SMYD3: variants seen among roughly 807,000 people sequenced by gnomAD.
The protein encoded by SMYD3 is SET and MYND domain containing 3.
SMYD3 carries 36 observed loss-of-function variants against 57.7 expected under a neutral mutation model. The observed-to-expected ratio is 0.62, with a 90% CI of 0.48 to 0.82. SMYD3 has a LOEUF of 0.82. SMYD3 is among the 40% of genes least tolerant of loss of function. The pLI is 0.00. For missense variants in SMYD3, 515 were observed against 538.8 expected, an observed-to-expected ratio of 0.96 and a Z score of 0.44; for synonymous variants, 211 against 195.0, an observed-to-expected ratio of 1.08 and a Z score of -0.68.
At chr1:246,193,139 T>G (rs1572189762) in intron 5 of SMYD3, among the ~76,000 whole-genome samples, 1 of 152,324 alleles carries the variant, frequency 6.6e-6, no homozygotes, top group East Asian at 1.9e-4. Context: ...TTAGGTCCCA[T>G]TTATCGTCAT....
intron 5 of SMYD3, among the ~76,000 whole-genome samples, chr1:246,220,741 G>A (rs978175715): frequency 3.3e-5 from 5 of 152,180 alleles, no homozygotes; most frequent in Non-Finnish European, 7.3e-5. Flanking sequence ...GGGGCATGGA[G>A]TGGAAACTTG....
intron 5 of SMYD3, among the ~76,000 whole-genome samples, chr1:246,278,002 A>T (rs1205289857): frequency 6.6e-6 from 1 of 152,204 alleles, no homozygotes; most frequent in Non-Finnish European, 1.5e-5. Context: ...GTATATACTT[A>T]AAGTTTATTT....
chr1:246,072,615 A>G (rs924925165), intron 5 of SMYD3, among the ~76,000 whole-genome samples: 2 of 152,190 alleles, frequency 1.3e-5, no homozygotes, highest in African/African-American at 4.8e-5. Flanking sequence ...TTAAAGAGTT[A>G]TCTAGTAACT....
intron 5 of SMYD3, among the ~76,000 whole-genome samples, chr1:246,117,809 C>T (rs183499096): frequency 6.6e-6 from 1 of 152,154 alleles, no homozygotes; most frequent in East Asian, 1.9e-4. Context: ...AAAAACATAA[C>T]TACTTTAAAA....
At chr1:246,327,156 A>C in intron 5 of SMYD3, 45 bp downstream of exon 5, 1 of 1,609,488 alleles carries the variant, frequency 6.2e-7, no homozygotes, top group African/African-American at 1.3e-5. Flanking sequence ...ATAAGGAGCA[A>C]ATGGTTGATG....
At chr1:246,405,651 G>A (rs1391254990) in intron 1 of SMYD3, among the ~76,000 whole-genome samples, 2 of 152,142 alleles carry the variant, frequency 1.3e-5, no homozygotes, top group East Asian at 1.9e-4. Context: ...GTTCACGTCT[G>A]TAATCCCAGC....
chr1:246,119,711 C>T (rs2148019402), intron 5 of SMYD3, among the ~76,000 whole-genome samples: 1 of 152,250 alleles, frequency 6.6e-6, no homozygotes, highest in South Asian at 2.1e-4. Flanking sequence ...CCACACCTGG[C>T]CTAAAACACT....
rs75521037 is a variant in SMYD3 at position 246,278,216 on chromosome 1, T to A, written c.531+48985A>T. 8.6e-3 allele frequency among the ~76,000 whole-genome samples: 1,295 copies of A among 149,802 alleles called. 17 individuals carry two copies. The highest frequency in any genetic ancestry group is 0.03 in the African/African-American group (1,234 of 40,886). ...TGGGTTACTCTCATGTATGTCGATG[T>A]CCCTTTCCGTCTCCCCTCTGTTTAA... On this transcript the variant is annotated intron_variant, in intron 5 of 11. Coordinates refer to ENST00000490107, the MANE Select transcript of SMYD3 (RefSeq NM_001167740.2).
intron 5 of SMYD3, among the ~76,000 whole-genome samples, chr1:246,260,881 G>A (rs1287836281): frequency 6.6e-6 from 1 of 152,126 alleles, no homozygotes; most frequent in African/African-American, 2.4e-5. Context: ...TCTTTGTTGA[G>A]AGAGAAAAAA....
At chr1:246,028,166 C>T (rs1165995448) in intron 5 of SMYD3, among the ~76,000 whole-genome samples, 1 of 152,178 alleles carries the variant, frequency 6.6e-6, no homozygotes, top group East Asian at 1.9e-4. Context: ...TAGACATACA[C>T]AACCTACCAA....
rs1197675504 is a variant in SMYD3 at position 246,395,702 on chromosome 1, C to T, written c.165-40608G>A. Among the ~76,000 whole-genome samples the T allele has an allele frequency of 2.6e-3, 101 of 39,162 alleles. 16 individuals carry two copies. The South Asian group carries it at 0.036, about 14-fold the overall frequency. 25.7% of individuals were successfully genotyped at this position (39,162 alleles called of 152,430 possible). Reference sequence around the variant, plus strand: ...GACAGGGAAGACGAACCCACCATGGCTGGACAGGGAAGACGAACACACCAG... The same window carrying T: ...GACAGGGAAGACGAACCCACCATGGTTGGACAGGGAAGACGAACACACCAG... On this transcript the variant is annotated intron_variant, in intron 1 of 11. Transcript: ENST00000490107.
intron 5 of SMYD3, among the ~76,000 whole-genome samples, chr1:246,280,829 A>G (rs1400464968): frequency 1.3e-5 from 2 of 152,252 alleles, no homozygotes; most frequent in African/African-American, 4.8e-5. Flanking sequence ...ACTGCATTCT[A>G]TAGTTCAACC....
intron 5 of SMYD3, among the ~76,000 whole-genome samples, chr1:246,190,036 T>A (rs574303547): frequency 3.2e-4 from 49 of 152,280 alleles, no homozygotes; most frequent in Non-Finnish European, 1.3e-4. Context: ...GATTATTAAA[T>A]TCACCTCCTA....
intron 10 of SMYD3, 107 bp from the exon 11 acceptor site, chr1:245,764,256 T>C (rs1572270351): frequency 1.4e-6 from 1 of 715,636 alleles, no homozygotes; most frequent in South Asian, 1.7e-5. Context: ...TGAATGTTAA[T>C]GAGCTACTGA....
intron 8 of SMYD3, among the ~76,000 whole-genome samples, chr1:245,905,444 T>C (rs1044257552): frequency 1.3e-5 from 2 of 152,186 alleles, no homozygotes; most frequent in Non-Finnish European, 2.9e-5. Flanking sequence ...AATCTGGCAA[T>C]ACTCCATGTG....
At chr1:246,127,878 A>T (rs1403628086) in intron 5 of SMYD3, among the ~76,000 whole-genome samples, 1 of 150,702 alleles carries the variant, frequency 6.6e-6, no homozygotes, top group Non-Finnish European at 1.5e-5. Flanking sequence ...CCTGGGAGAC[A>T]GAGCAAGACT....
intron 2 of SMYD3, among the ~76,000 whole-genome samples, chr1:246,352,648 CATTGTT>C (rs1385888614): frequency 6.6e-6 from 1 of 152,148 alleles, no homozygotes; most frequent in Non-Finnish European, 1.5e-5. Context: ...CTGACAGTGA[CATTGTT>C]ATTGATGCCA....
At chr1:245,776,395 G>A (rs1294372792) in intron 10 of SMYD3, among the ~76,000 whole-genome samples, 3 of 152,016 alleles carry the variant, frequency 2.0e-5, no homozygotes, top group African/African-American at 7.3e-5. Flanking sequence ...TCCTTGTTTG[G>A]AAAGAAAAGA....
chr1:246,003,358 A>T lies in SMYD3; in HGVS notation c.532-73421T>A, dbSNP rs1045133682. ...TGGTGGAGCGGTGGGACTTATCATGACCTAATCAAACTCTTTTAGGACTAA... is the reference window on the plus strand; with the variant it reads ...TGGTGGAGCGGTGGGACTTATCATGTCCTAATCAAACTCTTTTAGGACTAA... On this transcript the variant is annotated intron_variant, in intron 5 of 11. Transcript: ENST00000490107. 2.0e-5 allele frequency among the ~76,000 whole-genome samples: 3 copies of T among 152,316 alleles called. No homozygotes were observed. In the East Asian group the frequency reaches 5.8e-4, roughly 29 times the overall value.
Sources: gnomAD v4.1 joint callset for allele counts (sites outside exome capture counted in the v4.1 genomes callset) on GRCh38, gnomAD v4.1.1 for gene constraint, MANE v1.5 for transcripts, NCBI Gene and HGNC (gene_info 2026-07-23, HGNC 2026-07-21) for gene names.